The following SDK1 variants were observed in gnomAD, a reference collection of about 807,000 sequenced individuals.
SDK1 encodes the protein sidekick cell adhesion molecule 1, also known as protein sidekick-1.
Under a neutral mutation model 245.5 loss-of-function variants are expected in SDK1, and 157 were observed. The ratio of observed to expected loss-of-function variants is 0.64; its 90% CI spans 0.56 to 0.73. The LOEUF (loss-of-function observed/expected upper bound fraction) is 0.73, where lower values mean the gene tolerates loss of function less well. Among genes scored for constraint, SDK1 ranks in the 30% least tolerant of loss-of-function variants. SDK1 has a pLI of 0.00. For missense variants in SDK1, 3,583 were observed against 3,002.3 expected (o/e 1.19, Z -4.52); for synonymous variants, 1,647 against 1,278.5 (o/e 1.29, Z -6.15).
At chr7:3,812,917 G>A (rs1038275888) in intron 4 of SDK1, among the ~76,000 whole-genome samples, 7 of 152,092 alleles carry the variant, frequency 4.6e-5, no homozygotes, top group South Asian at 2.1e-4. Context: ...TTGAAATCAC[G>A]AGAAACAGGT....
chr7:3,826,196 C>T (rs371844010), intron 5 of SDK1, among the ~76,000 whole-genome samples: 5 of 152,162 alleles, frequency 3.3e-5, no homozygotes, highest in African/African-American at 1.2e-4. Context: ...AGGAAACAAG[C>T]CTTGAGCATT....
intron 2 of SDK1, among the ~76,000 whole-genome samples, chr7:3,633,413 C>A (rs1158637266): frequency 1.3e-5 from 2 of 152,138 alleles, no homozygotes; most frequent in South Asian, 2.1e-4. Flanking sequence ...GTCATATCAT[C>A]TGGCAGTGCT....
intron 5 of SDK1, among the ~76,000 whole-genome samples, chr7:3,913,345 G>C (rs1388454940): frequency 6.7e-6 from 1 of 148,442 alleles, no homozygotes; most frequent in African/African-American, 2.5e-5. Flanking sequence ...CCAGGCTGGA[G>C]TGCAGTGGCA....
chr7:3,964,737 G>T (rs373162529), intron 9 of SDK1, among the ~76,000 whole-genome samples: 1 of 152,166 alleles, frequency 6.6e-6, no homozygotes, highest in Non-Finnish European at 1.5e-5. Flanking sequence ...ATCCTCAGGG[G>T]TGAGAGCTGT....
chr7:3,704,210 A>AAG (rs1241938946), intron 4 of SDK1, among the ~76,000 whole-genome samples: 1 of 152,128 alleles, frequency 6.6e-6, no homozygotes, highest in East Asian at 1.9e-4. Flanking sequence ...GTTTCCGCCA[A>AAG]AGACGTTATT....
intron 1 of SDK1, among the ~76,000 whole-genome samples, chr7:3,577,782 A>G (rs9654994): frequency 0.19 from 28,203 of 151,948 alleles, 3,081 homozygotes; most frequent in East Asian, 0.36. Context: ...TTGTATGGTC[A>G]TATTGTCCCC....
At chr7:3,587,555 G>C (rs1330501732) in intron 1 of SDK1, among the ~76,000 whole-genome samples, 2 of 152,138 alleles carry the variant, frequency 1.3e-5, no homozygotes, top group Non-Finnish European at 2.9e-5. Flanking sequence ...GTCAAGAAGA[G>C]AGAAGGCAGT....
intron 4 of SDK1, among the ~76,000 whole-genome samples, chr7:3,741,457 G>A (rs1438747635): frequency 6.6e-6 from 1 of 152,208 alleles, no homozygotes; most frequent in African/African-American, 2.4e-5. Flanking sequence ...TATTTTAGCT[G>A]TCCTAATCAG....
At chr7:3,504,128 C>T (rs1204791169) in intron 1 of SDK1, among the ~76,000 whole-genome samples, 2 of 148,580 alleles carry the variant, frequency 1.3e-5, no homozygotes, top group African/African-American at 2.5e-5. Context: ...CCAGCCTGGG[C>T]AACAGAGCGA....
intron 5 of SDK1, among the ~76,000 whole-genome samples, chr7:3,884,480 A>C (rs1323363542): frequency 1.2e-4 from 18 of 152,080 alleles, no homozygotes; most frequent in Non-Finnish European, 2.5e-4. Context: ...CCTCACAACT[A>C]CTTTACTCAG....
chr7:3,795,597 C>G (rs1276439814), intron 4 of SDK1, among the ~76,000 whole-genome samples: 1 of 152,102 alleles, frequency 6.6e-6, no homozygotes. Context: ...TGTCTTCCAG[C>G]TGGCATTCTC....
intron 4 of SDK1, among the ~76,000 whole-genome samples, chr7:3,762,601 T>G (rs1039519624): frequency 1.3e-4 from 20 of 152,222 alleles, no homozygotes; most frequent in African/African-American, 4.8e-4. Context: ...ATTTCAGCAA[T>G]GCCCTTGTGG....
intron 1 of SDK1, among the ~76,000 whole-genome samples, chr7:3,454,490 C>T (rs2204122): frequency 6.6e-6 from 1 of 150,664 alleles, no homozygotes; most frequent in Admixed American, 6.6e-5. Flanking sequence ...AGTCAAGATA[C>T]AAAATAGTTG....
intron 5 of SDK1, among the ~76,000 whole-genome samples, chr7:3,880,208 TG>T: frequency 6.6e-6 from 1 of 152,324 alleles, no homozygotes; most frequent in Middle Eastern, 3.4e-3. Context: ...GATGGCCAGG[TG>T]GGCCTTCATT....
chr7:3,421,694 C>G (rs1779540761), intron 1 of SDK1, among the ~76,000 whole-genome samples: 1 of 152,130 alleles, frequency 6.6e-6, no homozygotes, highest in South Asian at 2.1e-4. Flanking sequence ...TTTCTGTTGG[C>G]TCTTAGATGG....
intron 1 of SDK1, among the ~76,000 whole-genome samples, chr7:3,432,496 A>G (rs963053207): frequency 3.9e-5 from 6 of 152,224 alleles, no homozygotes; most frequent in Admixed American, 1.3e-4. Context: ...GGATTAATGT[A>G]GTAGGAAGAA....
At chr7:3,803,047 G>C (rs552959313) in intron 4 of SDK1, among the ~76,000 whole-genome samples, 82 of 152,282 alleles carry the variant, frequency 5.4e-4, no homozygotes, top group African/African-American at 1.7e-3. Context: ...AACTACCAAA[G>C]TATTTTCCAC....
At chr7:3,880,882 T>C (rs1162666662) in intron 5 of SDK1, among the ~76,000 whole-genome samples, 3 of 152,034 alleles carry the variant, frequency 2.0e-5, no homozygotes, top group Non-Finnish European at 2.9e-5. Context: ...CATGGGTCAC[T>C]TACCCTGGTG....
At chr7:3,877,827 T>C (rs1781111722) in intron 5 of SDK1, among the ~76,000 whole-genome samples, 1 of 152,246 alleles carries the variant, frequency 6.6e-6, no homozygotes. Context: ...AACACCTTCA[T>C]AGAATGCCAT....
Sources: allele counts gnomAD v4.1 joint callset (sites outside exome capture counted in the v4.1 genomes callset), GRCh38; gene constraint gnomAD v4.1.1; transcripts MANE v1.5; gene names NCBI Gene and HGNC (gene_info 2026-07-23, HGNC 2026-07-21).